CACNB4: variants seen among roughly 807,000 people sequenced by gnomAD.
The protein encoded by CACNB4 is voltage-dependent L-type calcium channel subunit beta-4.
Under a neutral mutation model 71.2 loss-of-function variants are expected in CACNB4, and 32 were observed. The ratio of observed to expected loss-of-function variants is 0.45; its 90% CI spans 0.34 to 0.60. The LOEUF (loss-of-function observed/expected upper bound fraction) is 0.60, where lower values mean the gene tolerates loss of function less well. Among genes scored for constraint, CACNB4 ranks in the 20% least tolerant of loss-of-function variants. The pLI is 0.01. For synonymous variants in CACNB4, 231 were observed against 236.9 expected (o/e 0.97, Z 0.23); for missense variants, 464 against 647.9 (o/e 0.72, Z 3.08).
intron 2 of CACNB4, among the ~76,000 whole-genome samples, chr2:152,074,741 C>A (rs1209828730): frequency 6.8e-6 from 1 of 148,122 alleles, no homozygotes; most frequent in African/African-American, 2.5e-5. Flanking sequence ...TCACCATTAC[C>A]ACCTCTATCA....
At chr2:151,864,511 C>T (rs1266222256) in intron 9 of CACNB4, among the ~76,000 whole-genome samples, 1 of 152,194 alleles carries the variant, frequency 6.6e-6, no homozygotes, top group Non-Finnish European at 1.5e-5. Flanking sequence ...TCTATCCTTG[C>T]TACATCCAAT....
intron 5 of CACNB4, among the ~76,000 whole-genome samples, chr2:151,875,262 T>C (rs1388373366): frequency 1.0e-4 from 15 of 148,392 alleles, no homozygotes; most frequent in East Asian, 2.0e-4. Flanking sequence ...TTAATCCATT[T>C]AACCCTGAGT....
At chr2:152,031,226 G>C (rs1482261865) in intron 2 of CACNB4, among the ~76,000 whole-genome samples, 1 of 152,152 alleles carries the variant, frequency 6.6e-6, no homozygotes, top group African/African-American at 2.4e-5. Context: ...TCAGTCCCCA[G>C]GACTGTTGGT....
intron 2 of CACNB4, among the ~76,000 whole-genome samples, chr2:151,991,909 C>A (rs752441103): frequency 6.6e-6 from 1 of 152,040 alleles, no homozygotes; most frequent in Non-Finnish European, 1.5e-5. Flanking sequence ...AACAAAAGAG[C>A]GAATCCAGGA....
At chr2:151,978,247 T>C (rs761705629) in intron 2 of CACNB4, among the ~76,000 whole-genome samples, 10 of 151,990 alleles carry the variant, frequency 6.6e-5, no homozygotes, top group Admixed American at 2.0e-4. Context: ...ATGAAGACCA[T>C]GGAGATAATA....
intron 2 of CACNB4, among the ~76,000 whole-genome samples, chr2:152,010,206 T>C (rs1579121097): frequency 6.6e-6 from 1 of 152,336 alleles, no homozygotes; most frequent in South Asian, 2.1e-4. Context: ...AAAATGTAGA[T>C]GTTAGGGAAG....
chr2:151,982,720 G>C (rs180848204), intron 2 of CACNB4, among the ~76,000 whole-genome samples: 3 of 152,046 alleles, frequency 2.0e-5, no homozygotes, highest in African/African-American at 7.2e-5. Context: ...TACAGATGAG[G>C]AACTCACCTT....
chr2:151,876,103 G>A (rs2099846174), intron 5 of CACNB4, among the ~76,000 whole-genome samples: 1 of 152,096 alleles, frequency 6.6e-6, no homozygotes, highest in South Asian at 2.1e-4. Context: ...ACCAAGAGGA[G>A]CCATACTGCT....
At chr2:152,028,756 T>C (rs1560145023) in intron 2 of CACNB4, among the ~76,000 whole-genome samples, 1 of 152,208 alleles carries the variant, frequency 6.6e-6, no homozygotes, top group Non-Finnish European at 1.5e-5. Context: ...GATCCTTGCA[T>C]ACAGTGTTTA....
At chr2:152,019,522 G>C (rs563150265) in intron 2 of CACNB4, among the ~76,000 whole-genome samples, 1 of 152,286 alleles carries the variant, frequency 6.6e-6, no homozygotes, top group Admixed American at 6.5e-5. Context: ...TGGGTGGGCA[G>C]ATGGATGAAT....
intron 2 of CACNB4, among the ~76,000 whole-genome samples, chr2:151,896,663 A>C (rs2099852150): frequency 6.6e-6 from 1 of 152,134 alleles, no homozygotes; most frequent in Admixed American, 6.5e-5. Flanking sequence ...ACAGGGCAGG[A>C]GATGACAGCA....
chr2:152,066,842 T>C (rs2105354192), intron 2 of CACNB4, among the ~76,000 whole-genome samples: 1 of 139,872 alleles, frequency 7.1e-6, no homozygotes, highest in South Asian at 2.5e-4. Flanking sequence ...ATGTCCTTTG[T>C]AGGGACATGG....
intron 2 of CACNB4, among the ~76,000 whole-genome samples, chr2:152,035,965 G>T (rs527799068): frequency 2.0e-5 from 3 of 152,066 alleles, no homozygotes; most frequent in African/African-American, 7.2e-5. Flanking sequence ...AAAATGTGGC[G>T]TATGCAGACA....
At chr2:151,840,877 C>T (rs1343853984) in intron 13 of CACNB4, among the ~76,000 whole-genome samples, 1 of 152,216 alleles carries the variant, frequency 6.6e-6, no homozygotes, top group Non-Finnish European at 1.5e-5. Context: ...GGTTTGGCCA[C>T]ATTCCAGCAG....
intron 2 of CACNB4, among the ~76,000 whole-genome samples, chr2:151,990,667 G>C (rs1021171381): frequency 3.9e-5 from 6 of 152,140 alleles, no homozygotes; most frequent in Non-Finnish European, 7.3e-5. Flanking sequence ...AACACATTCT[G>C]ATCCCTTTTA....
At chr2:152,096,210 A>G (rs917392428) in intron 2 of CACNB4, among the ~76,000 whole-genome samples, 2 of 151,970 alleles carry the variant, frequency 1.3e-5, no homozygotes, top group Non-Finnish European at 1.5e-5. Context: ...TAGCCCGGGC[A>G]TGGTGGCTCA....
chr2:151,870,097 C>T lies in CACNB4; in HGVS notation c.699+434G>A. ...CAGAGAAGGATTTGGTGGCATATGC[C>T]ATCATCTTAAAAACCCAGCAGGGTG... is the stretch of plus-strand genomic sequence containing the variant. On this transcript the variant is annotated intron_variant, in intron 8 of 13. Coordinates refer to ENST00000539935, the MANE Select transcript of CACNB4 (RefSeq NM_000726.5). 7 of 599,156 alleles carry T rather than the reference C, an allele frequency of 1.2e-5. 1 individual carries two copies. In the Middle Eastern group the frequency reaches 2.2e-3, roughly 188 times the overall value. 37.1% of individuals were successfully genotyped at this position (599,156 alleles called of 1,614,324 possible). A position where few individuals can be genotyped will look rare whatever the true frequency, so the allele number is the denominator to read the frequency against.
At chr2:152,017,532 C>T (rs942456494) in intron 2 of CACNB4, among the ~76,000 whole-genome samples, 3 of 151,854 alleles carry the variant, frequency 2.0e-5, no homozygotes, top group African/African-American at 7.3e-5. Context: ...GACGGTGAAA[C>T]CCCATCTCTA....
At chr2:152,093,964 CCATCCACTG>C (rs1338063599) in intron 2 of CACNB4, among the ~76,000 whole-genome samples, 1 of 152,190 alleles carries the variant, frequency 6.6e-6, no homozygotes, top group Non-Finnish European at 1.5e-5. Context: ...AGTTCTCCAT[CCATCCACTG>C]CTTCATTCAT....
Sources: gnomAD v4.1 joint callset for allele counts (sites outside exome capture counted in the v4.1 genomes callset) on GRCh38, gnomAD v4.1.1 for gene constraint, MANE v1.5 for transcripts, NCBI Gene and HGNC (gene_info 2026-07-23, HGNC 2026-07-21) for gene names.